NXPH1: variants seen among roughly 807,000 people sequenced by gnomAD.
The protein encoded by NXPH1 is neurexophilin 1.
NXPH1 carries 5 observed loss-of-function variants against 23.7 expected under a neutral mutation model. That is an observed-to-expected ratio of 0.21 (90% confidence interval 0.11 to 0.44). The LOEUF is 0.44. Ranked by LOEUF, NXPH1 falls within the 20% of genes least tolerant of loss-of-function variation. The probability of loss-of-function intolerance (pLI) is 0.99; values close to 1 mark genes in which losing one functional copy is unlikely to be tolerated. For synonymous variants in NXPH1, 144 were observed against 122.2 expected, an observed-to-expected ratio of 1.18 and a Z score of -1.18; for missense variants, 324 against 321.6, an observed-to-expected ratio of 1.01 and a Z score of -0.06.
At chr7:8,551,528 AC>A (rs552681746) in intron 2 of NXPH1, among the ~76,000 whole-genome samples, 6 of 151,548 alleles carry the variant, frequency 4.0e-5, no homozygotes, top group Non-Finnish European at 7.4e-5. Flanking sequence ...ATTATCCTTT[AC>A]GATTTTGGAA....
intron 2 of NXPH1, among the ~76,000 whole-genome samples, chr7:8,563,718 C>G (rs1256942211): frequency 3.3e-5 from 5 of 151,688 alleles, no homozygotes; most frequent in Non-Finnish European, 7.4e-5. Flanking sequence ...TAGATTGAGA[C>G]AAATATCCCC....
At chr7:8,677,475 T>C (rs1482815821) in intron 2 of NXPH1, among the ~76,000 whole-genome samples, 2 of 152,182 alleles carry the variant, frequency 1.3e-5, no homozygotes, top group African/African-American at 4.8e-5. Flanking sequence ...TTTGCTAAGA[T>C]ATTTACAGGG....
At position 8,570,353 on chromosome 7, in the gene NXPH1, C is replaced by T. The variant is rs114077378; in HGVS notation, c.54+134586C>T. 5.2e-3 allele frequency among the ~76,000 whole-genome samples: 793 copies of T among 151,966 alleles called. 8 individuals are homozygous for T. The highest frequency in any genetic ancestry group is 0.018 in the African/African-American group (748 of 41,498). ...ACCTGGCTCTGGCATGAATAAGCTGCGTGATCCTGGGCAAAGTCATCTTTT... is the reference window on the plus strand; with the variant it reads ...ACCTGGCTCTGGCATGAATAAGCTGTGTGATCCTGGGCAAAGTCATCTTTT... On this transcript the variant is annotated intron_variant, in intron 2 of 2. Coordinates refer to ENST00000405863, the MANE Select transcript of NXPH1 (RefSeq NM_152745.3).
intron 2 of NXPH1, among the ~76,000 whole-genome samples, chr7:8,711,860 T>C (rs1779801232): frequency 6.6e-6 from 1 of 152,046 alleles, no homozygotes; most frequent in South Asian, 2.1e-4. Context: ...TGAAAGCAAA[T>C]TTTGGGAAGG....
intron 2 of NXPH1, among the ~76,000 whole-genome samples, chr7:8,643,483 T>C (rs1169829812): frequency 6.6e-6 from 1 of 152,174 alleles, no homozygotes; most frequent in Non-Finnish European, 1.5e-5. Context: ...CAGGTTATGT[T>C]AGCCTTTAGA....
At chr7:8,439,859 A>T (rs1349884338) in intron 2 of NXPH1, among the ~76,000 whole-genome samples, 1 of 152,218 alleles carries the variant, frequency 6.6e-6, no homozygotes, top group Non-Finnish European at 1.5e-5. Flanking sequence ...AGAGACCAGC[A>T]ATGTCTTTTC....
At chr7:8,660,491 A>G (rs1820654356) in intron 2 of NXPH1, among the ~76,000 whole-genome samples, 1 of 152,236 alleles carries the variant, frequency 6.6e-6, no homozygotes, top group South Asian at 2.1e-4. Context: ...CCCACATTTA[A>G]GTAGCTATGA....
At chr7:8,716,773 A>G (rs992123039) in intron 2 of NXPH1, among the ~76,000 whole-genome samples, 1 of 152,190 alleles carries the variant, frequency 6.6e-6, no homozygotes, top group African/African-American at 2.4e-5. Context: ...CAGCAATAAA[A>G]TATTTAAAAA....
chr7:8,447,810 G>C (rs1816431734), intron 2 of NXPH1, among the ~76,000 whole-genome samples: 1 of 152,200 alleles, frequency 6.6e-6, no homozygotes, highest in South Asian at 2.1e-4. Flanking sequence ...CCCCACCCTT[G>C]ATGTTCCTCG....
chr7:8,491,446 G>A (rs1399096942), intron 2 of NXPH1, among the ~76,000 whole-genome samples: 4 of 151,978 alleles, frequency 2.6e-5, no homozygotes, highest in Admixed American at 6.6e-5. Flanking sequence ...AGACAGTAAG[G>A]TTTGAAAAAT....
At chr7:8,600,552 A>C (rs544327443) in intron 2 of NXPH1, among the ~76,000 whole-genome samples, 1 of 152,314 alleles carries the variant, frequency 6.6e-6, no homozygotes, top group East Asian at 1.9e-4. Flanking sequence ...GACCTGCATC[A>C]ATGTCTAGGC....
intron 2 of NXPH1, among the ~76,000 whole-genome samples, chr7:8,481,259 T>A (rs1817067488): frequency 6.6e-6 from 1 of 152,192 alleles, no homozygotes; most frequent in South Asian, 2.1e-4. Context: ...TGGAGTGACT[T>A]GAGAGGTCAG....
At chr7:8,542,879 T>C (rs1818142196) in intron 2 of NXPH1, among the ~76,000 whole-genome samples, 1 of 151,576 alleles carries the variant, frequency 6.6e-6, no homozygotes, top group African/African-American at 2.4e-5. Context: ...ATTCAACAAA[T>C]ATACATGTAC....
intron 2 of NXPH1, among the ~76,000 whole-genome samples, chr7:8,727,720 A>G (rs1443250504): frequency 2.0e-5 from 3 of 152,096 alleles, no homozygotes; most frequent in South Asian, 2.1e-4. Flanking sequence ...TACCAGTACC[A>G]TGCTGTTTTG....
chr7:8,473,531 A>G (rs1402368911), intron 2 of NXPH1, among the ~76,000 whole-genome samples: 1 of 152,100 alleles, frequency 6.6e-6, no homozygotes, highest in East Asian at 1.9e-4. Flanking sequence ...CTCTTATTGG[A>G]GGTTTTCCAT....
intron 2 of NXPH1, among the ~76,000 whole-genome samples, chr7:8,535,273 G>A (rs574880428): frequency 7.2e-5 from 11 of 152,136 alleles, no homozygotes; most frequent in South Asian, 2.1e-4. Flanking sequence ...CAAAAAAAAG[G>A]AAACAATCAG....
At chr7:8,496,653 G>T (rs1303897466) in intron 2 of NXPH1, among the ~76,000 whole-genome samples, 1 of 151,904 alleles carries the variant, frequency 6.6e-6, no homozygotes, top group African/African-American at 2.4e-5. Flanking sequence ...CAACTTCTTG[G>T]GCCCCATCCC....
chr7:8,461,674 C>T (rs1031000734), intron 2 of NXPH1, among the ~76,000 whole-genome samples: 3 of 148,988 alleles, frequency 2.0e-5, no homozygotes, highest in Non-Finnish European at 4.5e-5. Flanking sequence ...ACTAAAAATA[C>T]AAAAAATTAG....
In NXPH1 at chr7:8,485,067, C is replaced by G. The variant is rs141329793; in HGVS notation, c.54+49300C>G. On this transcript the variant is annotated intron_variant, in intron 2 of 2. Transcript: ENST00000405863. ...CACAGGGAACAAAATGGCATTATGC[C>G]TCTTCTAACGTAAGAAGAACTAGAG... Among the ~76,000 whole-genome samples the G allele has an allele frequency of 6.5e-4, 99 of 152,284 alleles. 1 individual carries two copies. In the East Asian group the frequency reaches 0.012, roughly 19 times the overall value.
Sources: allele counts gnomAD v4.1 joint callset (sites outside exome capture counted in the v4.1 genomes callset), GRCh38; gene constraint gnomAD v4.1.1; transcripts MANE v1.5; gene names NCBI Gene and HGNC (gene_info 2026-07-23, HGNC 2026-07-21).